The following AMPD3 variants were observed in gnomAD, a reference collection of about 807,000 sequenced individuals.
AMPD3 encodes AMP deaminase 3.
AMPD3 carries 57 observed loss-of-function variants against 82.3 expected under a neutral mutation model. The ratio of observed to expected loss-of-function variants is 0.69; its 90% CI spans 0.56 to 0.86. The LOEUF (loss-of-function observed/expected upper bound fraction) is 0.86, where lower values mean the gene tolerates loss of function less well. Ranked by LOEUF, AMPD3 falls within the 40% of genes least tolerant of loss-of-function variation. AMPD3 has a pLI of 0.00. For synonymous variants in AMPD3, 381 were observed against 394.7 expected (o/e 0.97, Z 0.41); for missense variants, 870 against 1,003.8 (o/e 0.87, Z 1.80).
At chr11:10,474,575 C>T (rs1190858917) in intron 2 of AMPD3, among the ~76,000 whole-genome samples, 1 of 152,192 alleles carries the variant, frequency 6.6e-6, no homozygotes, top group East Asian at 1.9e-4. Context: ...GCAGGTGGAG[C>T]ACCAGACAGG....
chr11:10,472,709 T>C (rs1213111874), intron 2 of AMPD3, among the ~76,000 whole-genome samples: 1 of 152,172 alleles, frequency 6.6e-6, no homozygotes, highest in Non-Finnish European at 1.5e-5. Flanking sequence ...CTTTTAAAGT[T>C]AGGGAGAGAT....
At chr11:10,487,160 G>A in intron 5 of AMPD3, 75 bp from the exon 6 acceptor site, 1 of 1,606,324 alleles carries the variant, frequency 6.2e-7, no homozygotes, top group East Asian at 2.2e-5. Flanking sequence ...GTTGGCCCCT[G>A]CAGATGCTGG....
intron 6 of AMPD3, chr11:10,490,637 G>A: frequency 2.0e-6 from 2 of 985,348 alleles, no homozygotes; most frequent in South Asian, 4.7e-5. Context: ...TTTGGATGGG[G>A]TGCTTCCTGG....
chr11:10,494,915 A>G lies in AMPD3; in HGVS notation c.1151A>G (p.His384Arg). The G allele has an allele frequency of 6.2e-7, 1 of 1,614,154 alleles. No individual in the cohort carries two copies. The highest frequency in any genetic ancestry group is 8.5e-7 in the Non-Finnish European group (1 of 1,180,002). ...LDVHAGRQTF[H>R]RFDKFNSKYN... ...CCCCCTCAGGGCCGGCAGACATTCC[A>G]CCGCTTTGACAAGTTCAACTCCAAA... is the stretch of plus-strand genomic sequence containing the variant. The change falls in exon 8 of 15, where the codon CAC (histidine) becomes CGC (arginine). Residue 384 changes from histidine (H) to arginine (R), a missense_variant. Physicochemically the swap from His to Arg is conservative, Grantham distance 29. Transcript: ENST00000396553.
intron 10 of AMPD3, chr11:10,497,728 T>TG (rs1039651286): frequency 2.0e-6 from 2 of 983,810 alleles, no homozygotes; most frequent in Admixed American, 1.2e-4. Flanking sequence ...TAGCTGGAGG[T>TG]GGGGGCAGGG....
At chr11:10,475,850 C>T (rs1249536542) in intron 2 of AMPD3, among the ~76,000 whole-genome samples, 1 of 152,136 alleles carries the variant, frequency 6.6e-6, no homozygotes, top group African/African-American at 2.4e-5. Flanking sequence ...AGCAAGCAGC[C>T]TGGGACTCCA....
At chr11:10,486,901 T>A in intron 5 of AMPD3, 4 of 985,420 alleles carry the variant, frequency 4.1e-6, no homozygotes, top group Non-Finnish European at 4.8e-6. Flanking sequence ...TAACCCTTAC[T>A]TCAGCCTTGG....
chr11:10,473,269 CA>C, intron 2 of AMPD3: 289 of 642,504 alleles, frequency 4.5e-4, no homozygotes, highest in Non-Finnish European at 5.2e-4. Flanking sequence ...GACCCTGTGT[CA>C]AAAAAAAGTA....
intron 2 of AMPD3, chr11:10,477,940 G>A (rs199567290): frequency 5.0e-5 from 49 of 985,292 alleles, no homozygotes; most frequent in Non-Finnish European, 5.5e-5. Context: ...GCTAGTCCAC[G>A]GTCCTGAGCA....
chr11:10,492,200 CA>C (rs1003740069), intron 6 of AMPD3, among the ~76,000 whole-genome samples: 1 of 152,138 alleles, frequency 6.6e-6, no homozygotes, highest in Admixed American at 6.5e-5. Context: ...GTGCCTTCTG[CA>C]AAAAACTGCC....
At chr11:10,479,767 T>G (rs1848848231) in intron 3 of AMPD3, 1 of 368,428 alleles carries the variant, frequency 2.7e-6, no homozygotes, top group Non-Finnish European at 3.8e-6. Context: ...CAATACATCT[T>G]AAAGATAATG....
intron 2 of AMPD3, among the ~76,000 whole-genome samples, chr11:10,461,974 C>G (rs186510002): frequency 9.2e-5 from 14 of 152,282 alleles, no homozygotes; most frequent in Admixed American, 5.2e-4. Flanking sequence ...AAAATACACA[C>G]CATTTCCAAA....
At position 10,495,673 on chromosome 11, in the gene AMPD3, T is replaced by A; in HGVS notation, c.1370T>A (p.Phe457Tyr). 6.2e-7 allele frequency: 1 copy of A among 1,614,144 alleles called. No homozygotes were observed. The highest frequency in any genetic ancestry group is 8.5e-7 in the Non-Finnish European group (1 of 1,180,018). ...GAGTGGCCCAACCTGGCCTACTGGTTCATCCAGCACAAGGTCTACTCTCCC... is the reference window on the plus strand; with the variant it reads ...GAGTGGCCCAACCTGGCCTACTGGTACATCCAGCACAAGGTCTACTCTCCC... ...PEEWPNLAYW[F>Y]IQHKVYSPNM... Residue 457 changes from phenylalanine to tyrosine, a missense_variant, in exon 9 of 15, where the codon TTC (phenylalanine) becomes TAC (tyrosine). Coordinates refer to ENST00000396553, the MANE Select transcript of AMPD3 (RefSeq NM_001025389.2).
chr11:10,503,437 A>C (rs1443392134), intron 13 of AMPD3, among the ~76,000 whole-genome samples: 1 of 152,200 alleles, frequency 6.6e-6, no homozygotes. Flanking sequence ...GATGGTGTCG[A>C]CAAGACCAGC....
chr11:10,467,920 C>G (rs1285924852), intron 2 of AMPD3, among the ~76,000 whole-genome samples: 1 of 152,166 alleles, frequency 6.6e-6, no homozygotes, highest in African/African-American at 2.4e-5. Context: ...CCAAACAAAG[C>G]TTCATAAGCA....
rs1168073817 is a variant in AMPD3, at chr11:10,495,483, G to A, written c.1267-87G>A. On this transcript the variant is annotated intron_variant, in intron 8 of 14. Transcript: ENST00000396553. Reference sequence around the variant, plus strand: ...GCCTGGGAGCAAGGTGGCTGGGGGAGCAACAGGACCCTGCTGGTGACGGAG... The same window carrying A: ...GCCTGGGAGCAAGGTGGCTGGGGGAACAACAGGACCCTGCTGGTGACGGAG... 2.5e-6 allele frequency: 4 copies of A among 1,605,674 alleles called. No homozygotes were observed. The African/African-American group carries it at 4.0e-5, about 16-fold the overall frequency.
At chr11:10,462,680 G>A (rs749614378) in intron 2 of AMPD3, among the ~76,000 whole-genome samples, 9 of 152,196 alleles carry the variant, frequency 5.9e-5, no homozygotes, top group Non-Finnish European at 1.3e-4. Context: ...CAGGAGCAGC[G>A]CAAGTGCTAT....
At chr11:10,450,627 G>T, upstream of AMPD3, 1 of 996,524 alleles carries the variant, frequency 1.0e-6, no homozygotes, top group East Asian at 1.0e-4. Context: ...GCCCCGCGGA[G>T]CCCAGGAGGC....
intron 1 of AMPD3, among the ~76,000 whole-genome samples, chr11:10,457,443 T>G (rs1031313550): frequency 6.6e-6 from 1 of 152,046 alleles, no homozygotes; most frequent in Non-Finnish European, 1.5e-5. Flanking sequence ...GAATGCAACA[T>G]CTCCCAATAA....
Sources: gnomAD v4.1 joint callset for allele counts (sites outside exome capture counted in the v4.1 genomes callset) on GRCh38, gnomAD v4.1.1 for gene constraint, MANE v1.5 for transcripts, NCBI Gene and HGNC (gene_info 2026-07-23, HGNC 2026-07-21) for gene names.